EIF2AK4: variants seen among roughly 807,000 people sequenced by gnomAD.
The protein encoded by EIF2AK4 is eIF-2-alpha kinase GCN2.
EIF2AK4 carries 139 observed loss-of-function variants against 211.1 expected under a neutral mutation model. The ratio of observed to expected loss-of-function variants is 0.66; its 90% CI spans 0.57 to 0.76. The LOEUF is 0.76. Among genes scored for constraint, EIF2AK4 ranks in the 30% least tolerant of loss-of-function variants. The pLI, the probability that EIF2AK4 is intolerant of heterozygous loss-of-function variation, is 0.00. For synonymous variants in EIF2AK4, 710 were observed against 751.3 expected (o/e 0.94, Z 0.90); for missense variants, 1,664 against 2,043.8 (o/e 0.81, Z 3.58).
At chr15:40,028,466 C>G (rs1340228730) in intron 33 of EIF2AK4, among the ~76,000 whole-genome samples, 2 of 152,178 alleles carry the variant, frequency 1.3e-5, no homozygotes, top group African/African-American at 4.8e-5. Flanking sequence ...TTGGTTGTCA[C>G]AACTGGGGAG....
intron 3 of EIF2AK4, among the ~76,000 whole-genome samples, chr15:39,947,338 A>G (rs1192951612): frequency 6.6e-6 from 1 of 152,200 alleles, no homozygotes; most frequent in African/African-American, 2.4e-5. Context: ...ACTAGGAGTC[A>G]TTTAATTATT....
chr15:39,935,098 G>C (rs1178541691), intron 1 of EIF2AK4, among the ~76,000 whole-genome samples: 1 of 152,162 alleles, frequency 6.6e-6, no homozygotes, highest in Admixed American at 6.5e-5. Flanking sequence ...TTACGAATGC[G>C]TGTTGGGCCA....
At chr15:40,023,795 T>C (rs2035425730) in intron 32 of EIF2AK4, among the ~76,000 whole-genome samples, 2 of 152,232 alleles carry the variant, frequency 1.3e-5, no homozygotes, top group African/African-American at 4.8e-5. Flanking sequence ...CTCTTATCCA[T>C]TACTATTTTC....
intron 19 of EIF2AK4, 142 bp from the exon 20 acceptor site, chr15:39,998,589 C>A: frequency 1.6e-6 from 1 of 614,044 alleles, no homozygotes; most frequent in South Asian, 2.1e-5. Flanking sequence ...GAAGAATAAG[C>A]GTCAGGTTTC....
At position 39,980,011 on chromosome 15, in the gene EIF2AK4, T is replaced by C. The variant is rs1419111428; in HGVS notation, c.2319+1864T>C. 3.3e-5 allele frequency among the ~76,000 whole-genome samples: 5 copies of C among 152,202 alleles called. No homozygotes were observed. In the East Asian group the frequency reaches 9.6e-4, roughly 29 times the overall value. ...TTGAAGGCAAAAGAATACAGAGCTT[T>C]CATAAGCTCAAAGAAAAATATTTGC... On this transcript the variant is annotated intron_variant, in intron 13 of 38. Transcript: ENST00000263791.
At chr15:39,984,527 T>C (rs184351029) in intron 13 of EIF2AK4, among the ~76,000 whole-genome samples, 7 of 152,316 alleles carry the variant, frequency 4.6e-5, no homozygotes, top group Admixed American at 3.3e-4. Flanking sequence ...TTTTATTTCA[T>C]TGAGCAGTGG....
intron 4 of EIF2AK4, among the ~76,000 whole-genome samples, chr15:39,950,450 G>A (rs950489861): frequency 1.3e-5 from 2 of 152,028 alleles, no homozygotes; most frequent in Non-Finnish European, 2.9e-5. Context: ...AATTAGCCGG[G>A]TGTGGTGGCA....
intron 36 of EIF2AK4, 128 bp from the exon 37 acceptor site, chr15:40,032,629 C>A: frequency 1.3e-6 from 1 of 776,734 alleles, no homozygotes; most frequent in Non-Finnish European, 2.1e-6. Flanking sequence ...TTCATTAAGC[C>A]CTTTTACAGC....
At chr15:39,944,432 CTT>C (rs55669603) in intron 3 of EIF2AK4, among the ~76,000 whole-genome samples, 15 of 121,128 alleles carry the variant, frequency 1.2e-4, no homozygotes, top group Admixed American at 3.7e-4. Context: ...TTAACGATCT[CTT>C]TTTTTTTTTT....
chr15:39,944,501 G>A (rs1031785418), intron 3 of EIF2AK4, among the ~76,000 whole-genome samples: 2 of 142,796 alleles, frequency 1.4e-5, no homozygotes, highest in Non-Finnish European at 1.5e-5. Context: ...GCGCAATCTC[G>A]GCTCACTGCA....
At chr15:39,978,231 G>A (rs1034920512) in intron 13 of EIF2AK4, 84 bp downstream of exon 13, 2 of 660,800 alleles carry the variant, frequency 3.0e-6, no homozygotes, top group African/African-American at 3.7e-5. Flanking sequence ...AAGTATTAAG[G>A]CTTTAATCTG....
At chr15:39,958,920 T>A (rs1216341650) in intron 6 of EIF2AK4, among the ~76,000 whole-genome samples, 1 of 152,176 alleles carries the variant, frequency 6.6e-6, no homozygotes, top group African/African-American at 2.4e-5. Context: ...AAAAAAAAGA[T>A]TATCCTTTTT....
rs368245480 is a variant in EIF2AK4, at chr15:39,967,631, A to G, written c.1305A>G (p.Ala435=). 5 of 1,614,062 alleles carry G rather than the reference A, an allele frequency of 3.1e-6. No individual in the cohort carries two copies. The African/African-American group carries it at 6.7e-5, about 22-fold the overall frequency. The change falls in exon 9 of 39, where the codon GCA becomes GCG. Residue 435 remains alanine (A), a synonymous_variant. Coordinates refer to ENST00000263791, the MANE Select transcript of EIF2AK4 (RefSeq NM_001013703.4). The stretch of plus-strand genomic sequence containing the variant: ...GTGCATCTAATGTCTTGGTGGATGC[A>G]GAAGGCACCGTCAAGATTACGGACT... The part of the protein sequence containing the change: ...VLSASNVLVD[A]EGTVKITDYS...
chr15:39,970,174 A>C (rs957747060), intron 9 of EIF2AK4, among the ~76,000 whole-genome samples: 7 of 152,232 alleles, frequency 4.6e-5, no homozygotes, highest in African/African-American at 1.7e-4. Context: ...GTTGCCAGGC[A>C]TTTTATCCCT....
At chr15:40,022,659 C>T in intron 32 of EIF2AK4, 54 bp downstream of exon 32, 2 of 1,506,598 alleles carry the variant, frequency 1.3e-6, no homozygotes, top group Non-Finnish European at 1.8e-6. Context: ...ACCTGTGGAG[C>T]ACCTGCCTTC....
chr15:39,980,295 T>C (rs955939634), intron 13 of EIF2AK4, among the ~76,000 whole-genome samples: 2 of 152,182 alleles, frequency 1.3e-5, no homozygotes, highest in African/African-American at 4.8e-5. Flanking sequence ...AGAAAATTCT[T>C]CAGAAAAAAC....
chr15:39,998,215 A>AT (rs34957338), intron 19 of EIF2AK4, among the ~76,000 whole-genome samples: 24,921 of 131,294 alleles, frequency 0.19, 2,678 homozygotes, highest in Non-Finnish European at 0.27. Flanking sequence ...GGAAGTAGAG[A>AT]TTTTTTTTCT....
At chr15:39,975,096 T>C (rs944416841) in intron 11 of EIF2AK4, 1 of 152,238 alleles carries the variant, frequency 6.6e-6, no homozygotes, top group African/African-American at 2.4e-5. Context: ...GGCTATCATT[T>C]TTTGGAGCAC....
rs2035313573 is a variant in EIF2AK4 at position 40,017,146 on chromosome 15, G to T, written c.3969G>T (p.Gln1323His). 3 of 1,614,032 alleles carry T rather than the reference G, an allele frequency of 1.9e-6. No homozygotes were observed. The highest frequency in any genetic ancestry group is 2.5e-6 in the Non-Finnish European group (3 of 1,179,910). Residue 1323 changes from glutamine to histidine, a missense_variant, in exon 29 of 39, where the codon CAG becomes CAT. Gln to His is a conservative substitution (Grantham distance 24). Transcript: ENST00000263791. Reference protein sequence around the residue: ...INLGLVYKVQQHNGIIFQFVA... With the variant: ...INLGLVYKVQHHNGIIFQFVA... ...TGGGCTTGGTTTACAAGGTGCAGCA[G>T]CACAATGGAATCATCTTCCAGTTTG...
Sources: gnomAD v4.1 joint callset for allele counts (sites outside exome capture counted in the v4.1 genomes callset) on GRCh38, gnomAD v4.1.1 for gene constraint, MANE v1.5 for transcripts, NCBI Gene and HGNC (gene_info 2026-07-23, HGNC 2026-07-21) for gene names.